The following CLNK variants were observed in gnomAD, a reference collection of about 807,000 sequenced individuals.
The protein encoded by CLNK is cytokine dependent hematopoietic cell linker.
In CLNK, 74 loss-of-function variants were observed where a neutral mutation model predicts 68.6. That is an observed-to-expected ratio of 1.08 (90% CI 0.89 to 1.31). CLNK has a LOEUF of 1.31. CLNK is among the 50% of genes most tolerant of loss of function. The pLI is 0.00. For missense variants in CLNK, 553 were observed against 515.3 expected (o/e 1.07, Z -0.71); for synonymous variants, 198 against 172.2 (o/e 1.15, Z -1.17).
At chr4:10,729,243 T>C in the CLNK span, among the ~76,000 whole-genome samples, 1 of 152,168 alleles carries the variant, frequency 6.6e-6, no homozygotes, top group South Asian at 2.1e-4. Flanking sequence ...AGAATGGCTA[T>C]TACTAAAAAG....
At chr4:10,638,206 T>G (rs560179112) in intron 2 of CLNK, among the ~76,000 whole-genome samples, 9 of 152,176 alleles carry the variant, frequency 5.9e-5, no homozygotes, top group Admixed American at 2.6e-4. Flanking sequence ...CTTACCATAC[T>G]GACAGCCACT....
intron 3 of CLNK, among the ~76,000 whole-genome samples, chr4:10,591,210 T>C (rs951673859): frequency 3.3e-5 from 5 of 152,152 alleles, no homozygotes; most frequent in African/African-American, 9.7e-5. Flanking sequence ...AGAGGTAACG[T>C]AGGAACACAC....
the CLNK span, among the ~76,000 whole-genome samples, chr4:10,712,478 A>G: frequency 6.6e-6 from 1 of 152,232 alleles, no homozygotes; most frequent in Non-Finnish European, 1.5e-5. Context: ...AATTTAGCTT[A>G]TAGTTTAACT....
chr4:10,713,424 G>C, the CLNK span, among the ~76,000 whole-genome samples: 1 of 152,186 alleles, frequency 6.6e-6, no homozygotes, highest in Non-Finnish European at 1.5e-5. Context: ...ATGGTGCTAG[G>C]AGGAAGGGGG....
At chr4:10,517,153 A>G in intron 15 of CLNK, among the ~76,000 whole-genome samples, 1 of 152,188 alleles carries the variant, frequency 6.6e-6, no homozygotes, top group East Asian at 1.9e-4. Flanking sequence ...TGAATTTCAG[A>G]TAGTTAAAAT....
chr4:10,725,685 C>G, the CLNK span, among the ~76,000 whole-genome samples: 1 of 152,074 alleles, frequency 6.6e-6, no homozygotes, highest in Non-Finnish European at 1.5e-5. Context: ...AACACCTTCT[C>G]TACTAAAAAA....
chr4:10,687,052 A>G (rs1363172347), upstream of CLNK, among the ~76,000 whole-genome samples: 2 of 152,174 alleles, frequency 1.3e-5, no homozygotes, highest in Non-Finnish European at 2.9e-5. Flanking sequence ...AGGTGAAAAT[A>G]AATGAATGGA....
the CLNK span, among the ~76,000 whole-genome samples, chr4:10,695,289 T>C: frequency 1.3e-5 from 2 of 152,026 alleles, no homozygotes; most frequent in African/African-American, 4.8e-5. Flanking sequence ...CACATTGTAC[T>C]CCTTAAATAT....
chr4:10,721,403 T>C, the CLNK span, among the ~76,000 whole-genome samples: 6 of 152,200 alleles, frequency 3.9e-5, no homozygotes, highest in Admixed American at 1.3e-4. Flanking sequence ...TCATCTGAAA[T>C]TTTAAAAGTT....
In CLNK at chr4:10,551,754, C is replaced by T. The variant is rs374422346; in HGVS notation, c.445+6653G>A. Among the ~76,000 whole-genome samples the T allele has an allele frequency of 4.6e-5, 7 of 152,088 alleles. 1 individual carries two copies. Among genetic ancestry groups the T allele is most frequent in the African/African-American group, 1.7e-4 (7 of 41,496 alleles). On this transcript the variant is annotated intron_variant, in intron 8 of 18. Coordinates refer to ENST00000226951, the MANE Select transcript of CLNK (RefSeq NM_052964.4). ...CCTAGTGTTGAGCACATAGGAGGTA[C>T]TAAATATTATTGGTTGAATTATGAT...
intron 18 of CLNK, among the ~76,000 whole-genome samples, chr4:10,496,607 G>C (rs569594600): frequency 6.6e-6 from 1 of 152,330 alleles, no homozygotes; most frequent in South Asian, 2.1e-4. Context: ...GTTTTCAAAC[G>C]GGTGAGGGAT....
intron 3 of CLNK, among the ~76,000 whole-genome samples, chr4:10,585,361 ATGGTAGCCTATAGT>A (rs534769269): frequency 1.3e-5 from 2 of 152,362 alleles, no homozygotes; most frequent in Admixed American, 6.5e-5. Context: ...CTATAAACAG[ATGGTAGCCTATAGT>A]TGTGGCAATC....
rs1385001364 is a variant in CLNK, at chr4:10,488,161, T to C, written c.*2306A>G. 6.6e-6 allele frequency: 1 copy of C among 152,242 alleles called. No individual in the cohort carries two copies. Among genetic ancestry groups the C allele is most frequent in the Non-Finnish European group, 1.5e-5 (1 of 68,034 alleles). 9.4% of individuals were successfully genotyped at this position (152,242 alleles called of 1,614,324 possible). On this transcript the variant is annotated 3_prime_UTR_variant, in exon 19 of 19. Transcript: ENST00000226951. ...TGTCATCTTAAGGATGCTGAATTTC[T>C]ACTTCTTTTTTCTTCTTGGAATTAT...
chr4:10,531,643 G>C lies in CLNK; in HGVS notation c.630+613C>G, dbSNP rs1229867996. On this transcript the variant is annotated intron_variant, in intron 12 of 18. Transcript: ENST00000226951. ...TTTTGTAGAGATGGGGTTTCTTCAT[G>C]TTGGTCAGGCTGATCTTGAACCCCT... is the stretch of plus-strand genomic sequence containing the variant. The C allele has an allele frequency of 2.1e-5, 9 of 419,762 alleles. No individual in the cohort carries two copies. In the Admixed American group the frequency reaches 2.3e-4, roughly 11 times the overall value. 26.0% of individuals were successfully genotyped at this position (419,762 alleles called of 1,614,324 possible). A position where few individuals can be genotyped will look rare whatever the true frequency, so the allele number is the denominator to read the frequency against.
chr4:10,572,440 T>G (rs927819953), intron 4 of CLNK, among the ~76,000 whole-genome samples: 2 of 152,234 alleles, frequency 1.3e-5, no homozygotes, highest in African/African-American at 4.8e-5. Context: ...GTATTCTATG[T>G]TTAAAATTTT....
At chr4:10,533,238 G>A (rs1227955757) in intron 11 of CLNK, among the ~76,000 whole-genome samples, 7 of 152,194 alleles carry the variant, frequency 4.6e-5, no homozygotes, top group Admixed American at 2.0e-4. Context: ...CAGCCTGGGT[G>A]ACAGAGCGTG....
At chr4:10,674,357 C>A (rs949603821) in intron 1 of CLNK, among the ~76,000 whole-genome samples, 1 of 152,162 alleles carries the variant, frequency 6.6e-6, no homozygotes, top group Non-Finnish European at 1.5e-5. Context: ...GAGTGCTAGA[C>A]GCCAATGCAA....
In CLNK at chr4:10,609,143, G is replaced by T. The variant is rs568864677; in HGVS notation, c.12-11094C>A. Among the ~76,000 whole-genome samples the T allele has an allele frequency of 2.0e-5, 3 of 152,280 alleles. No individual in the cohort carries two copies. In the South Asian group the frequency reaches 6.2e-4, roughly 32 times the overall value. ...CGTGAAGCTGACAGCCAAGTGAGTG[G>T]GAACCAAGCCAATGAGCAAGGGGCT... On this transcript the variant is annotated intron_variant, in intron 2 of 18. Coordinates refer to ENST00000226951, the MANE Select transcript of CLNK (RefSeq NM_052964.4).
intron 3 of CLNK, among the ~76,000 whole-genome samples, chr4:10,592,054 G>A (rs1056883998): frequency 3.9e-5 from 6 of 152,180 alleles, no homozygotes; most frequent in African/African-American, 1.4e-4. Flanking sequence ...CTGCCCTGCC[G>A]GGGCCTGTCT....
Sources: allele counts gnomAD v4.1 joint callset (sites outside exome capture counted in the v4.1 genomes callset), GRCh38; gene constraint gnomAD v4.1.1; transcripts MANE v1.5; gene names NCBI Gene and HGNC (gene_info 2026-07-23, HGNC 2026-07-21).